RGL1: variants seen among roughly 807,000 people sequenced by gnomAD.
RGL1 encodes ral guanine nucleotide dissociation stimulator like 1.
RGL1 carries 24 observed loss-of-function variants against 95.2 expected under a neutral mutation model. The ratio of observed to expected loss-of-function variants is 0.25; its 90% CI spans 0.18 to 0.35. The LOEUF is 0.35. Ranked by LOEUF, RGL1 falls within the 10% of genes least tolerant of loss-of-function variation. RGL1 has a pLI of 1.00. For synonymous variants in RGL1, 329 were observed against 344.9 expected (o/e 0.95, Z 0.51); for missense variants, 715 against 936.3 (o/e 0.76, Z 3.08).
intron 2 of RGL1, among the ~76,000 whole-genome samples, chr1:183,779,179 C>CCTTCCTTCCTTG (rs1659757867): frequency 8.1e-6 from 1 of 124,018 alleles, no homozygotes; most frequent in South Asian, 2.9e-4. Flanking sequence ...TTCCTTCCTT[C>CCTTCCTTCCTTG]CTTCCTTCCT....
intron 16 of RGL1, among the ~76,000 whole-genome samples, chr1:183,921,739 C>T: frequency 6.6e-6 from 1 of 152,114 alleles, no homozygotes; most frequent in East Asian, 1.9e-4. Flanking sequence ...TGGTAAATGC[C>T]TAGGAGTGGG....
chr1:183,860,637 G>C (rs2102577699), intron 3 of RGL1, among the ~76,000 whole-genome samples: 1 of 152,166 alleles, frequency 6.6e-6, no homozygotes, highest in South Asian at 2.1e-4. Flanking sequence ...CATTCACATT[G>C]GGCCTTCCCC....
intron 4 of RGL1, among the ~76,000 whole-genome samples, chr1:183,880,022 T>C (rs1414095730): frequency 6.6e-6 from 1 of 152,262 alleles, no homozygotes; most frequent in Non-Finnish European, 1.5e-5. Context: ...CTCTACCTAC[T>C]GTTTCTGCTA....
chr1:183,817,725 A>G (rs1662181253), intron 2 of RGL1, among the ~76,000 whole-genome samples: 1 of 152,232 alleles, frequency 6.6e-6, no homozygotes, highest in African/African-American at 2.4e-5. Context: ...AGTGTTACTG[A>G]CAAACACTGA....
intron 17 of RGL1, among the ~76,000 whole-genome samples, chr1:183,925,749 G>A (rs12089535): frequency 1.8e-4 from 27 of 152,272 alleles, no homozygotes; most frequent in African/African-American, 5.8e-4. Context: ...AACGAAACCC[G>A]AGTTCAAATC....
intron 1 of RGL1, among the ~76,000 whole-genome samples, chr1:183,732,487 G>A (rs1170836760): frequency 6.6e-6 from 1 of 152,066 alleles, no homozygotes. Flanking sequence ...CCCCTCATTT[G>A]TTAGTATCAA....
chr1:183,773,936 G>T (rs1383189392), intron 2 of RGL1, among the ~76,000 whole-genome samples: 1 of 124,388 alleles, frequency 8.0e-6, no homozygotes, highest in East Asian at 2.4e-4. Flanking sequence ...ATAATTGAGG[G>T]TGGTAGAGAC....
chr1:183,883,060 C>A (rs569905917), intron 5 of RGL1, among the ~76,000 whole-genome samples: 16 of 152,284 alleles, frequency 1.1e-4, no homozygotes, highest in Middle Eastern at 3.4e-3. Flanking sequence ...AGAAAACCTT[C>A]ATCAAATTCC....
At chr1:183,655,945 A>G (rs147500430) in intron 1 of RGL1, among the ~76,000 whole-genome samples, 2 of 152,266 alleles carry the variant, frequency 1.3e-5, no homozygotes, top group Non-Finnish European at 2.9e-5. Flanking sequence ...TCCAAACCAT[A>G]TGTTAAACAG....
At chr1:183,807,532 G>C (rs927710911) in intron 2 of RGL1, among the ~76,000 whole-genome samples, 3 of 152,254 alleles carry the variant, frequency 2.0e-5, no homozygotes, top group Non-Finnish European at 4.4e-5. Flanking sequence ...CCTGTTAAGA[G>C]TAGTGGTAAC....
chr1:183,736,440 C>A (rs958410977), intron 1 of RGL1, among the ~76,000 whole-genome samples: 2 of 152,180 alleles, frequency 1.3e-5, no homozygotes, highest in African/African-American at 2.4e-5. Context: ...TTAATGGTTA[C>A]ACAGAGAATT....
intron 4 of RGL1, among the ~76,000 whole-genome samples, chr1:183,879,988 C>T (rs1417709193): frequency 6.6e-6 from 1 of 152,160 alleles, no homozygotes; most frequent in Non-Finnish European, 1.5e-5. Context: ...AGTTTTTGTT[C>T]TTTATCTTTT....
intron 2 of RGL1, among the ~76,000 whole-genome samples, chr1:183,777,552 G>A (rs1052423289): frequency 1.3e-4 from 20 of 152,220 alleles, no homozygotes; most frequent in African/African-American, 4.6e-4. Flanking sequence ...TGGAAAATAA[G>A]CGGTCCAGAT....
intron 1 of RGL1, among the ~76,000 whole-genome samples, chr1:183,663,301 G>A (rs12046480): frequency 0.069 from 10,331 of 150,780 alleles, 615 homozygotes; most frequent in African/African-American, 0.16. Flanking sequence ...GAAAATTTTC[G>A]CAACCTACTC....
At chr1:183,866,778 C>T (rs1665865943) in intron 4 of RGL1, among the ~76,000 whole-genome samples, 4 of 152,158 alleles carry the variant, frequency 2.6e-5, no homozygotes, top group East Asian at 1.9e-4. Flanking sequence ...GCTCTGTGTC[C>T]GGAAAGTAGC....
At chr1:183,887,673 G>C (rs902237858) in intron 7 of RGL1, among the ~76,000 whole-genome samples, 1 of 152,128 alleles carries the variant, frequency 6.6e-6, no homozygotes, top group African/African-American at 2.4e-5. Flanking sequence ...CTGCTATTCA[G>C]TCACAGGACT....
chr1:183,738,585 C>T (rs1398602546), intron 1 of RGL1, among the ~76,000 whole-genome samples: 1 of 152,072 alleles, frequency 6.6e-6, no homozygotes, highest in African/African-American at 2.4e-5. Flanking sequence ...GGTAGGAAAC[C>T]TATAATGCAT....
chr1:183,691,522 G>A (rs1322476711), intron 1 of RGL1, among the ~76,000 whole-genome samples: 1 of 152,154 alleles, frequency 6.6e-6, no homozygotes, highest in African/African-American at 2.4e-5. Flanking sequence ...ATTGGTTTAT[G>A]TAATTGATAA....
intron 3 of RGL1, among the ~76,000 whole-genome samples, chr1:183,848,962 A>G (rs1664628772): frequency 6.6e-6 from 1 of 152,164 alleles, no homozygotes; most frequent in Non-Finnish European, 1.5e-5. Context: ...ATATACACAC[A>G]TTTATGTACT....
Sources: gnomAD v4.1 joint callset for allele counts (sites outside exome capture counted in the v4.1 genomes callset) on GRCh38, gnomAD v4.1.1 for gene constraint, MANE v1.5 for transcripts, NCBI Gene and HGNC (gene_info 2026-07-23, HGNC 2026-07-21) for gene names.